ENTPD3: variants seen among roughly 807,000 people sequenced by gnomAD.
ENTPD3 encodes ectonucleoside triphosphate diphosphohydrolase 3.
Under a neutral mutation model 51.2 loss-of-function variants are expected in ENTPD3, and 60 were observed. The observed-to-expected ratio is 1.17, with a 90% CI of 0.95 to 1.45. The LOEUF is 1.45. ENTPD3 is among the 40% of genes most tolerant of loss of function. ENTPD3 has a pLI of 0.00. For missense variants in ENTPD3, 593 were observed against 641.1 expected (o/e 0.93, Z 0.81); for synonymous variants, 221 against 238.4 (o/e 0.93, Z 0.67).
intron 4 of ENTPD3, 55 bp downstream of exon 4, chr3:40,401,066 G>T: frequency 7.4e-7 from 1 of 1,348,022 alleles, no homozygotes; most frequent in Non-Finnish European, 1.1e-6. Context: ...AGAGTTCTAA[G>T]TGTTTTGGAG....
intron 8 of ENTPD3, 29 bp downstream of exon 8, chr3:40,423,151 T>C (rs748892024): frequency 2.5e-5 from 40 of 1,596,328 alleles, no homozygotes; most frequent in Admixed American, 1.2e-4. Flanking sequence ...GAAAGATTCC[T>C]TTCCCCATTG....
rs549816290 is a variant in ENTPD3 at position 40,405,622 on chromosome 3, T to C, written c.286+4611T>C. ...GTCTGTTTAACCCTCTCTCCCCATA[T>C]TGAAATAGCAATTTCAGTGCTCCTC... is the stretch of plus-strand genomic sequence containing the variant. On this transcript the variant is annotated intron_variant, in intron 4 of 10. Coordinates refer to ENST00000301825, the MANE Select transcript of ENTPD3 (RefSeq NM_001248.4). 3.9e-5 allele frequency among the ~76,000 whole-genome samples: 6 copies of C among 152,270 alleles called. No individual in the cohort carries two copies. The East Asian group carries it at 1.2e-3, about 29-fold the overall frequency.
At chr3:40,412,261 T>C (rs1231047253) in intron 5 of ENTPD3, among the ~76,000 whole-genome samples, 2 of 152,198 alleles carry the variant, frequency 1.3e-5, no homozygotes, top group East Asian at 1.9e-4. Flanking sequence ...CTTTGAAAAG[T>C]AGTTGTTTTG....
chr3:40,424,945 G>A (rs1955954251), intron 10 of ENTPD3: 4 of 577,736 alleles, frequency 6.9e-6, no homozygotes. Context: ...AAGGACTGTT[G>A]GTAGCATGTA....
chr3:40,387,249 C>T lies in ENTPD3; in HGVS notation c.-25C>T, dbSNP rs1575202945. 1 of 152,282 alleles carries T rather than the reference C, an allele frequency of 6.6e-6. No homozygotes were observed. Among genetic ancestry groups the T allele is most frequent in the African/African-American group, 2.4e-5 (1 of 41,456 alleles). The allele number at this position is 152,282 out of a possible 1,614,324, so 9.4% of individuals were successfully genotyped here. A position where few individuals can be genotyped will look rare whatever the true frequency, so the allele number is the denominator to read the frequency against. ...GCAGCGCTAGTCGCCTTCTCCGAAT[C>T]GGCTCCGCACAGGTAAGATCAGGGG... is the stretch of plus-strand genomic sequence containing the variant. On this transcript the variant is annotated 5_prime_UTR_variant, in exon 1 of 11. Coordinates refer to ENST00000301825, the MANE Select transcript of ENTPD3 (RefSeq NM_001248.4).
chr3:40,426,434 G>GA (rs1195666354), intron 10 of ENTPD3, among the ~76,000 whole-genome samples: 2 of 151,388 alleles, frequency 1.3e-5, no homozygotes, highest in African/African-American at 2.4e-5. Context: ...CAGGAAAGAA[G>GA]AAAAAATATA....
At chr3:40,401,115 A>G (rs1439494451) in intron 4 of ENTPD3, 104 bp downstream of exon 4, 2 of 831,684 alleles carry the variant, frequency 2.4e-6, no homozygotes, top group African/African-American at 3.4e-5. Flanking sequence ...GAGGCAGGGA[A>G]TGAGCATTGG....
At chr3:40,389,213 A>G (rs1450025612) in intron 2 of ENTPD3, among the ~76,000 whole-genome samples, 4 of 152,200 alleles carry the variant, frequency 2.6e-5, no homozygotes, top group Non-Finnish European at 1.5e-5. Flanking sequence ...TGGCAGATTA[A>G]ATTTCTACCC....
At chr3:40,415,818 A>G in intron 6 of ENTPD3, 22 bp from the exon 7 acceptor site, 2 of 1,599,154 alleles carry the variant, frequency 1.3e-6, no homozygotes, top group Non-Finnish European at 1.7e-6. Context: ...TTTCTTTCTC[A>G]CTTCCTTTTC....
chr3:40,414,676 T>G lies in ENTPD3; in HGVS notation c.438-5T>G. 6.2e-7 allele frequency: 1 copy of G among 1,613,996 alleles called. No individual in the cohort carries two copies. Among genetic ancestry groups the G allele is most frequent in the Non-Finnish European group, 8.5e-7 (1 of 1,179,926 alleles). On this transcript the variant is annotated splice_region_variant and splice_polypyrimidine_tract_variant and intron_variant, in intron 5 of 10. Transcript: ENST00000301825. ...TCAGACTTGTTTGTTCTGTGCCTTG[T>G]ACAGGTTGCAAAATGAAACAGCAGC...
At chr3:40,416,844 TG>T (rs944691909) in intron 7 of ENTPD3, among the ~76,000 whole-genome samples, 2 of 152,126 alleles carry the variant, frequency 1.3e-5, no homozygotes, top group African/African-American at 4.8e-5. Context: ...TGGCTTCTTA[TG>T]GGACTCAAAG....
Position 40,410,883 on chromosome 3 carries a change from GGAA to G in ENTPD3, c.287-924_287-922del, listed in dbSNP as rs578152267. Among the ~76,000 whole-genome samples, 37 of 152,252 alleles carry G rather than the reference GGAA, an allele frequency of 2.4e-4. No homozygotes were observed. The East Asian group carries it at 7.1e-3, about 29-fold the overall frequency. On this transcript the variant is annotated intron_variant, in intron 4 of 10. Coordinates refer to ENST00000301825, the MANE Select transcript of ENTPD3 (RefSeq NM_001248.4). ...AAATGAGAAGAGGGTGATGGATGAA[GGAA>G]GAAGGAGGGATGAAGAGGAGGAGTA...
chr3:40,402,742 C>A (rs1955395341), intron 4 of ENTPD3, among the ~76,000 whole-genome samples: 1 of 152,050 alleles, frequency 6.6e-6, no homozygotes, highest in South Asian at 2.1e-4. Context: ...CATCAATATT[C>A]CTTTTTGTGG....
intron 5 of ENTPD3, 51 bp downstream of exon 5, chr3:40,412,013 T>C: frequency 6.6e-7 from 1 of 1,511,466 alleles, no homozygotes; most frequent in Non-Finnish European, 8.9e-7. Flanking sequence ...TAACCAAGAA[T>C]ATGTTGAATC....
chr3:40,410,444 A>G (rs1955602947), intron 4 of ENTPD3, among the ~76,000 whole-genome samples: 1 of 58,566 alleles, frequency 1.7e-5, no homozygotes. Context: ...TCCATCTCAG[A>G]AAAAAAAAAA....
chr3:40,424,980 A>C, intron 10 of ENTPD3: 1 of 424,292 alleles, frequency 2.4e-6, no homozygotes, highest in East Asian at 3.4e-5. Flanking sequence ...CTTCTAATAA[A>C]TCTAATTACC....
intron 2 of ENTPD3, 25 bp from the exon 3 acceptor site, chr3:40,391,996 AGT>A (rs1160243871): frequency 1.9e-6 from 3 of 1,613,416 alleles, no homozygotes; most frequent in Non-Finnish European, 2.5e-6. Flanking sequence ...CTCCCCCTCA[AGT>A]GTCTTCTGGG....
At chr3:40,410,838 A>G (rs1435544860) in intron 4 of ENTPD3, among the ~76,000 whole-genome samples, 1 of 152,136 alleles carries the variant, frequency 6.6e-6, no homozygotes, top group Non-Finnish European at 1.5e-5. Context: ...TACCGAATTT[A>G]TTGGGATCCT....
At chr3:40,405,910 GATTT>G (rs1955483919) in intron 4 of ENTPD3, among the ~76,000 whole-genome samples, 1 of 152,150 alleles carries the variant, frequency 6.6e-6, no homozygotes, top group Non-Finnish European at 1.5e-5. Flanking sequence ...TTGATTGATT[GATTT>G]AATAAATATG....
Sources: gnomAD v4.1 joint callset for allele counts (sites outside exome capture counted in the v4.1 genomes callset) on GRCh38, gnomAD v4.1.1 for gene constraint, MANE v1.5 for transcripts, NCBI Gene and HGNC (gene_info 2026-07-23, HGNC 2026-07-21) for gene names.